ASIC2: variants seen among roughly 807,000 people sequenced by gnomAD.
ASIC2 encodes acid-sensing ion channel 2.
Under a neutral mutation model 57.3 loss-of-function variants are expected in ASIC2, and 25 were observed. That is an observed-to-expected ratio of 0.44 (90% CI 0.32 to 0.61). The LOEUF is 0.61. ASIC2 is among the 20% of genes least tolerant of loss of function. ASIC2 has a pLI of 0.06. For synonymous variants in ASIC2, 319 were observed against 307.5 expected, an observed-to-expected ratio of 1.04 and a Z score of -0.39; for missense variants, 641 against 738.1, an observed-to-expected ratio of 0.87 and a Z score of 1.52.
intron 1 of ASIC2, among the ~76,000 whole-genome samples, chr17:34,030,204 T>C (rs926616292): frequency 6.6e-6 from 1 of 152,244 alleles, no homozygotes; most frequent in African/African-American, 2.4e-5. Context: ...CACACTTTAA[T>C]TGAAGAGCAA....
At chr17:33,303,550 C>G (rs150578708) in intron 1 of ASIC2, among the ~76,000 whole-genome samples, 3 of 152,324 alleles carry the variant, frequency 2.0e-5, no homozygotes, top group South Asian at 2.1e-4. Context: ...AAAGTAGGAA[C>G]ACATCTTTAC....
At chr17:33,200,600 T>G (rs1906819790) in intron 1 of ASIC2, among the ~76,000 whole-genome samples, 1 of 152,210 alleles carries the variant, frequency 6.6e-6, no homozygotes, top group Admixed American at 6.5e-5. Context: ...ACATCCTATA[T>G]CTGGTCTGGC....
intron 1 of ASIC2, among the ~76,000 whole-genome samples, chr17:34,021,895 T>C (rs535161576): frequency 2.8e-3 from 410 of 146,416 alleles, no homozygotes; most frequent in Non-Finnish European, 4.9e-3. Context: ...TGGAGTGCAG[T>C]GGTGCAATCT....
chr17:33,267,202 A>ACATG (rs1391055494), intron 1 of ASIC2, among the ~76,000 whole-genome samples: 1 of 151,956 alleles, frequency 6.6e-6, no homozygotes, highest in Non-Finnish European at 1.5e-5. Context: ...ACATAAACAC[A>ACATG]CATGCATGCA....
chr17:33,385,710 CCTGGT>C (rs1159654062), intron 1 of ASIC2, among the ~76,000 whole-genome samples: 1 of 152,092 alleles, frequency 6.6e-6, no homozygotes, highest in Non-Finnish European at 1.5e-5. Flanking sequence ...GGAAGCTTTG[CCTGGT>C]GAAGCTGAGA....
chr17:33,960,465 G>C (rs1405927674), intron 1 of ASIC2, among the ~76,000 whole-genome samples: 2 of 152,178 alleles, frequency 1.3e-5, no homozygotes, highest in African/African-American at 4.8e-5. Flanking sequence ...CTTGACTGGA[G>C]ATTGATCCTG....
chr17:34,121,157 T>A (rs1005464814), intron 1 of ASIC2, among the ~76,000 whole-genome samples: 1 of 152,100 alleles, frequency 6.6e-6, no homozygotes, highest in East Asian at 1.9e-4. Context: ...GATCCCAGCA[T>A]CACCAGAAGC....
intron 1 of ASIC2, among the ~76,000 whole-genome samples, chr17:33,813,108 A>C (rs142333007): frequency 7.2e-5 from 11 of 152,304 alleles, no homozygotes; most frequent in Non-Finnish European, 1.6e-4. Context: ...AGGTTCTACC[A>C]TGGAAAGCCT....
intron 1 of ASIC2, among the ~76,000 whole-genome samples, chr17:34,061,753 A>G (rs1431863896): frequency 8.1e-6 from 1 of 123,996 alleles, no homozygotes. Context: ...CAATCTTTGA[A>G]GCAACAGCAG....
At chr17:34,131,669 A>C (rs1329618274) in intron 1 of ASIC2, among the ~76,000 whole-genome samples, 1 of 152,158 alleles carries the variant, frequency 6.6e-6, no homozygotes, top group African/African-American at 2.4e-5. Flanking sequence ...TGCTCTAGAG[A>C]TATTTCACAC....
At chr17:34,100,199 TTA>T (rs1491170560) in intron 1 of ASIC2, among the ~76,000 whole-genome samples, 20 of 149,872 alleles carry the variant, frequency 1.3e-4, no homozygotes, top group African/African-American at 5.0e-4. Flanking sequence ...TTTTTTTTTT[TTA>T]AATCAATTGG....
At chr17:34,046,487 A>G (rs1338506559) in intron 1 of ASIC2, among the ~76,000 whole-genome samples, 1 of 152,242 alleles carries the variant, frequency 6.6e-6, no homozygotes, top group Non-Finnish European at 1.5e-5. Context: ...ACAGGAATTA[A>G]TCAATGCTGG....
chr17:33,920,581 AG>A (rs1915688124), intron 1 of ASIC2, among the ~76,000 whole-genome samples: 1 of 152,180 alleles, frequency 6.6e-6, no homozygotes, highest in Non-Finnish European at 1.5e-5. Context: ...AGGGGGACAA[AG>A]GGTGAAAAAT....
intron 1 of ASIC2, among the ~76,000 whole-genome samples, chr17:33,498,051 T>C (rs1656023151): frequency 6.6e-6 from 1 of 152,148 alleles, no homozygotes; most frequent in African/African-American, 2.4e-5. Flanking sequence ...CCGAGGGAGA[T>C]GAAGAAGGAT....
chr17:33,164,204 T>A (rs1392077050), intron 1 of ASIC2, among the ~76,000 whole-genome samples: 2 of 152,204 alleles, frequency 1.3e-5, no homozygotes, highest in East Asian at 3.9e-4. Flanking sequence ...GTGCGTCTGG[T>A]CAATGGATCC....
chr17:33,465,459 G>A (rs972044746), intron 1 of ASIC2, among the ~76,000 whole-genome samples: 17 of 141,420 alleles, frequency 1.2e-4, no homozygotes, highest in East Asian at 4.4e-4. Flanking sequence ...TACAACCTCC[G>A]CCTGCCGGGT....
At chr17:33,045,493 G>T (rs1341263893) in intron 3 of ASIC2, among the ~76,000 whole-genome samples, 2 of 152,208 alleles carry the variant, frequency 1.3e-5, no homozygotes, top group Non-Finnish European at 2.9e-5. Flanking sequence ...CTCACCCACA[G>T]GAAGGAGCCT....
rs532458275 is a variant in ASIC2 at position 33,923,770 on chromosome 17, G to A, written c.555+232208C>T. ...TGCTCTTAAGCCACCAATGAGGTGT[G>A]AGTTAGGGCAGAAAGAAGATAGTAG... On this transcript the variant is annotated intron_variant, in intron 1 of 9. Coordinates refer to the ASIC2 transcript ENST00000359872. Among the ~76,000 whole-genome samples the A allele has an allele frequency of 3.3e-5, 5 of 152,326 alleles. No individual in the cohort carries two copies. In the South Asian group the frequency reaches 1.0e-3, roughly 32 times the overall value.
rs118008534 is a variant in ASIC2, at chr17:33,535,256, G to A, written c.556-423189C>T. 7.5e-3 allele frequency among the ~76,000 whole-genome samples: 1,136 copies of A among 152,030 alleles called. 7 individuals carry two copies. The highest frequency in any genetic ancestry group is 0.011 in the Non-Finnish European group (764 of 67,952). On this transcript the variant is annotated intron_variant, in intron 1 of 9. Transcript: ENST00000359872. ...CCAGTTCTTAGCAATGGATATGGTG[G>A]GAATAAAAATGTCGCTTCTTTTTTT... is the stretch of plus-strand genomic sequence containing the variant.
Sources: allele counts gnomAD v4.1 joint callset (sites outside exome capture counted in the v4.1 genomes callset), GRCh38; gene constraint gnomAD v4.1.1; transcripts MANE v1.5; gene names NCBI Gene and HGNC (gene_info 2026-07-23, HGNC 2026-07-21).